The following BMAL2 variants were observed in gnomAD, a reference collection of about 807,000 sequenced individuals.
The protein encoded by BMAL2 is basic helix-loop-helix ARNT like 2.
chr12:27,376,426 A>C, the BMAL2 span: 6 of 1,588,364 alleles, frequency 3.8e-6, no homozygotes, highest in Non-Finnish European at 5.2e-6. Flanking sequence ...GGTGAGTGGA[A>C]AGGTACACAA....
the BMAL2 span, among the ~76,000 whole-genome samples, chr12:27,420,019 G>GCGCGCGCGCGCACCCACACACA: frequency 4.1e-5 from 6 of 147,570 alleles, no homozygotes; most frequent in South Asian, 1.3e-3. Context: ...GTTTGCGCGT[G>GCGCGCGCGCGCACCCACACACA]CACACACACA....
At chr12:27,370,100 G>A in the BMAL2 span, 46 of 1,540,172 alleles carry the variant, frequency 3.0e-5, no homozygotes, top group East Asian at 8.8e-4. Context: ...ATCTGGGTAG[G>A]GGGTGACCCA....
the BMAL2 span, among the ~76,000 whole-genome samples, chr12:27,417,629 A>G: frequency 6.6e-6 from 1 of 152,202 alleles, no homozygotes; most frequent in African/African-American, 2.4e-5. Flanking sequence ...GTCCTCGGGA[A>G]AAGCAAGCTT....
the BMAL2 span, among the ~76,000 whole-genome samples, chr12:27,399,456 C>T: frequency 6.6e-6 from 1 of 152,202 alleles, no homozygotes; most frequent in Non-Finnish European, 1.5e-5. Flanking sequence ...TTGCCATTAA[C>T]TCAGTTTCCT....
the BMAL2 span, chr12:27,387,322 T>G: frequency 6.4e-7 from 1 of 1,563,226 alleles, no homozygotes; most frequent in Non-Finnish European, 8.8e-7. Flanking sequence ...TATGATCAGG[T>G]ATCCAAAAAT....
chr12:27,406,091 T>C, the BMAL2 span, among the ~76,000 whole-genome samples: 1 of 152,294 alleles, frequency 6.6e-6, no homozygotes, highest in South Asian at 2.1e-4. Flanking sequence ...TATGGGACTA[T>C]GTGAAAAGAC....
the BMAL2 span, among the ~76,000 whole-genome samples, chr12:27,379,255 T>C: frequency 6.6e-6 from 1 of 152,120 alleles, no homozygotes; most frequent in East Asian, 1.9e-4. Context: ...GCATGCAGTT[T>C]GGGGTTTCTT....
At chr12:27,400,683 G>T in the BMAL2 span, 3 of 1,613,814 alleles carry the variant, frequency 1.9e-6, no homozygotes, top group South Asian at 1.1e-5. Context: ...GCCATATATT[G>T]TTCCACAGAA....
At chr12:27,424,453 G>C in the BMAL2 span, 1 of 152,174 alleles carries the variant, frequency 6.6e-6, no homozygotes, top group Non-Finnish European at 1.5e-5. Context: ...GTGAAACAAA[G>C]ACAAACAGGA....
the BMAL2 span, chr12:27,416,035 C>A: frequency 2.2e-6 from 2 of 920,148 alleles, no homozygotes; most frequent in Non-Finnish European, 3.3e-6. Flanking sequence ...AGAAAAGAAG[C>A]CATTCTGTCA....
At chr12:27,347,211 A>T in the BMAL2 span, among the ~76,000 whole-genome samples, 1 of 152,212 alleles carries the variant, frequency 6.6e-6, no homozygotes, top group Non-Finnish European at 1.5e-5. Context: ...TAAACCCAAC[A>T]TCTTTGGCAT....
the BMAL2 span, chr12:27,387,252 G>T: frequency 6.2e-7 from 1 of 1,612,196 alleles, no homozygotes. Context: ...CTTATTTGTG[G>T]TTGGATGTGA....
the BMAL2 span, among the ~76,000 whole-genome samples, chr12:27,343,359 A>AT: frequency 4.7e-4 from 72 of 152,270 alleles, no homozygotes; most frequent in African/African-American, 1.6e-3. Flanking sequence ...ACACTGATGC[A>AT]TTTTTTCCCC....
At chr12:27,410,544 A>C in the BMAL2 span, among the ~76,000 whole-genome samples, 1 of 152,280 alleles carries the variant, frequency 6.6e-6, no homozygotes, top group South Asian at 2.1e-4. Context: ...GAATTGAACA[A>C]TGAGAACACA....
At chr12:27,348,405 G>A in the BMAL2 span, among the ~76,000 whole-genome samples, 1 of 152,114 alleles carries the variant, frequency 6.6e-6, no homozygotes, top group Non-Finnish European at 1.5e-5. Flanking sequence ...TATTGATAGG[G>A]TAGTAGCAAA....
chr12:27,365,178 T>C, the BMAL2 span, among the ~76,000 whole-genome samples: 7 of 152,110 alleles, frequency 4.6e-5, no homozygotes, highest in Non-Finnish European at 7.4e-5. Context: ...TTCTTGTTTC[T>C]GATCTTAAAA....
At chr12:27,344,650 A>G in the BMAL2 span, among the ~76,000 whole-genome samples, 1 of 152,210 alleles carries the variant, frequency 6.6e-6, no homozygotes, top group African/African-American at 2.4e-5. Flanking sequence ...ATTATCTAGG[A>G]TAATCTCTCT....
At chr12:27,380,117 T>C in the BMAL2 span, 1 of 860,276 alleles carries the variant, frequency 1.2e-6, no homozygotes, top group Non-Finnish European at 1.8e-6. Flanking sequence ...CACTGACAAC[T>C]GCAGGGCCCA....
chr12:27,336,083 A>G, the BMAL2 span, among the ~76,000 whole-genome samples: 3 of 152,162 alleles, frequency 2.0e-5, no homozygotes, highest in Non-Finnish European at 4.4e-5. Context: ...TGGTAGCCCT[A>G]GTTTTCAGTT....
Sources: allele counts gnomAD v4.1 joint callset (sites outside exome capture counted in the v4.1 genomes callset), GRCh38; gene constraint gnomAD v4.1.1; transcripts MANE v1.5; gene names NCBI Gene and HGNC (gene_info 2026-07-23, HGNC 2026-07-21).